Variants in ZNF622 observed in about 807,000 individuals in gnomAD.
ZNF622 encodes zinc finger protein 622.
ZNF622 carries 34 observed loss-of-function variants against 49.7 expected under a neutral mutation model. The ratio of observed to expected loss-of-function variants is 0.68; its 90% CI spans 0.52 to 0.91. The LOEUF (loss-of-function observed/expected upper bound fraction) is 0.91. Ranked by LOEUF, ZNF622 falls within the 40% of genes least tolerant of loss-of-function variation. The probability of loss-of-function intolerance (pLI) is 0.00; values close to 1 mark genes in which losing one functional copy is unlikely to be tolerated. For missense variants in ZNF622, 569 were observed against 616.4 expected (o/e 0.92, Z 0.81); for synonymous variants, 209 against 228.7 (o/e 0.91, Z 0.78).
In ZNF622 at chr5:16,465,146, T is replaced by G. The variant is rs755281913; in HGVS notation, c.520A>C (p.Ser174Arg). The G allele has an allele frequency of 7.4e-6, 12 of 1,614,044 alleles. No individual in the cohort carries two copies. The highest frequency in any genetic ancestry group is 1.0e-5 in the Non-Finnish European group (12 of 1,180,022). The change falls in exon 1 of 6, where the codon AGT (serine) becomes CGT (arginine). Residue 174 changes from serine (S) to arginine (R), a missense_variant. Ser to Arg is a moderately radical substitution (Grantham distance 110, BLOSUM62 -1). Transcript: ENST00000308683. This position sits in a 1 kb window ranked among gnomAD's most constrained non-coding sequence, Gnocchi z 6.2. ...CACTGGAGCCGGGGTGGTTTCTCAC[T>G]CGGGTCTCGGTCGTGGGTCCCACGG... ...GGRGTHDRDPSEKPPRLQWFE... is the reference protein window; with the variant it reads ...GGRGTHDRDPREKPPRLQWFE...
At chr5:16,456,375 C>A (rs1444558154) in intron 4 of ZNF622, among the ~76,000 whole-genome samples, 2 of 152,194 alleles carry the variant, frequency 1.3e-5, no homozygotes, top group African/African-American at 4.8e-5. Context: ...CCCAAAAAAA[C>A]CTTGCCAGAC....
chr5:16,456,958 A>C (rs146227660), intron 4 of ZNF622, among the ~76,000 whole-genome samples: 1,816 of 152,256 alleles, frequency 0.012, 15 homozygotes, highest in Non-Finnish European at 0.02. Flanking sequence ...GATCTCTCTA[A>C]GATCTTTCTA....
intron 4 of ZNF622, among the ~76,000 whole-genome samples, chr5:16,456,513 G>A (rs1738025788): frequency 6.6e-6 from 1 of 152,156 alleles, no homozygotes; most frequent in South Asian, 2.1e-4. Context: ...CAGCAGCAGG[G>A]GAGAGACTCT....
chr5:16,463,333 T>C lies in ZNF622; in HGVS notation c.887-63A>G. ...TTTTTGCAACCAGATTAAATCTCAC[T>C]ATTTGTCACCAAAACTCAAAAATCA... On this transcript the variant is annotated intron_variant, in intron 2 of 5. Transcript: ENST00000308683. This position sits in a 1 kb window ranked among gnomAD's most constrained non-coding sequence, Gnocchi z 4.2. The C allele has an allele frequency of 6.5e-7, 1 of 1,538,604 alleles. No individual in the cohort carries two copies.
intron 4 of ZNF622, among the ~76,000 whole-genome samples, chr5:16,457,396 C>T (rs1028964750): frequency 6.2e-4 from 95 of 152,296 alleles, no homozygotes; most frequent in African/African-American, 2.3e-3. Flanking sequence ...TGGGTACTGT[C>T]ACCAGAGAAA....
intron 3 of ZNF622, among the ~76,000 whole-genome samples, chr5:16,459,604 A>G (rs1738090700): frequency 6.6e-6 from 1 of 152,234 alleles, no homozygotes; most frequent in African/African-American, 2.4e-5. Flanking sequence ...ATGTGGCAGC[A>G]TTGTTTGTAA....
chr5:16,464,024 G>T (rs995073224), intron 1 of ZNF622, among the ~76,000 whole-genome samples: 4 of 152,168 alleles, frequency 2.6e-5, no homozygotes, highest in African/African-American at 9.7e-5. Flanking sequence ...TGAAAATATA[G>T]TTAGGAAGTC....
chr5:16,463,640 C>T lies in ZNF622; in HGVS notation c.728G>A (p.Gly243Asp), dbSNP rs1379900582. Residue 243 changes from glycine (G) to aspartate (D), a missense_variant, in exon 2 of 6, where the codon GGC becomes GAC. Coordinates refer to ENST00000308683, the MANE Select transcript of ZNF622 (RefSeq NM_033414.3). This position sits in a 1 kb window ranked among gnomAD's most constrained non-coding sequence, Gnocchi z 4.2. ...QDAEEEEAEE[G>D]PPLGAIPITD... The stretch of plus-strand genomic sequence containing the variant: ...GATAGGGATGGCACCAAGGGGTGGG[C>T]CTTCCTCAGCCTCTTCCTCCTCTGC... The T allele has an allele frequency of 6.2e-7, 1 of 1,614,204 alleles. No individual in the cohort carries two copies. The highest frequency in any genetic ancestry group is 8.5e-7 in the Non-Finnish European group (1 of 1,180,038).
intron 3 of ZNF622, 60 bp from the exon 4 acceptor site, chr5:16,458,689 T>G: frequency 7.9e-7 from 1 of 1,272,860 alleles, no homozygotes; most frequent in Non-Finnish European, 1.1e-6. Context: ...CTAAAAGACA[T>G]AAACTCATTT....
intron 5 of ZNF622, among the ~76,000 whole-genome samples, chr5:16,452,348 C>G (rs1027438140): frequency 1.3e-5 from 2 of 152,196 alleles, no homozygotes; most frequent in Non-Finnish European, 2.9e-5. Context: ...CCAGCAGACA[C>G]ATCAGAATAG....
At chr5:16,452,809 C>G (rs1039738744) in intron 5 of ZNF622, among the ~76,000 whole-genome samples, 11 of 152,140 alleles carry the variant, frequency 7.2e-5, no homozygotes, top group Non-Finnish European at 1.5e-4. Context: ...ATCACTGTGC[C>G]AGGAATATGA....
chr5:16,465,252 G>A lies in ZNF622; in HGVS notation c.414C>T (p.Ala138=). The change falls in exon 1 of 6, where the codon GCC becomes GCT. Residue 138 remains alanine (A), a synonymous_variant. Coordinates refer to ENST00000308683, the MANE Select transcript of ZNF622 (RefSeq NM_033414.3). This position sits in a 1 kb window ranked among gnomAD's most constrained non-coding sequence, Gnocchi z 6.2. ...CCTTCTTGGGAGACATGGACGGCTGGGCCTTGATGGCCTGCTGGATGGCCG... is the reference window on the plus strand; with the variant it reads ...CCTTCTTGGGAGACATGGACGGCTGAGCCTTGATGGCCTGCTGGATGGCCG... ...MNAAIQQAIK[A]QPSMSPKKAP... 6.2e-7 allele frequency: 1 copy of A among 1,614,208 alleles called. No individual in the cohort carries two copies. The highest frequency in any genetic ancestry group is 2.2e-5 in the East Asian group (1 of 44,888).
chr5:16,453,595 A>G, intron 4 of ZNF622, among the ~76,000 whole-genome samples: 1 of 114,374 alleles, frequency 8.7e-6, no homozygotes, highest in Admixed American at 9.1e-5. Context: ...ATATATATAT[A>G]TATATATGAA....
chr5:16,464,243 G>T (rs889048049), intron 1 of ZNF622, among the ~76,000 whole-genome samples: 1 of 150,216 alleles, frequency 6.7e-6, no homozygotes, highest in African/African-American at 2.4e-5. Context: ...TGGGTGATTA[G>T]GTTAGGCAAG....
At chr5:16,455,790 G>A (rs553030685) in intron 4 of ZNF622, among the ~76,000 whole-genome samples, 18 of 152,194 alleles carry the variant, frequency 1.2e-4, no homozygotes, top group Admixed American at 3.3e-4. Flanking sequence ...CTTTTAAAGC[G>A]TCTTTGAAAT....
At chr5:16,453,559 T>TTATATATATATATAAAAATAAAAATTATA (rs1737968698) in intron 4 of ZNF622, among the ~76,000 whole-genome samples, 1 of 67,154 alleles carries the variant, frequency 1.5e-5, no homozygotes, top group African/African-American at 4.3e-5. Context: ...TAAATAAAAA[T>TTATATATATATATAAAAATAAAAATTATA]TATATATATA....
At chr5:16,464,216 A>C (rs1441602710) in intron 1 of ZNF622, among the ~76,000 whole-genome samples, 1 of 149,350 alleles carries the variant, frequency 6.7e-6, no homozygotes, top group South Asian at 2.1e-4. Flanking sequence ...AATGGCATTA[A>C]GAGGTGGGGC....
In ZNF622 at chr5:16,453,080, G is replaced by A. The variant is rs144651127; in HGVS notation, c.1239C>T (p.Ala413=). 9.4e-4 allele frequency: 1,491 copies of A among 1,589,116 alleles called. 15 individuals are homozygous for A. In the African/African-American group the frequency reaches 0.018, roughly 19 times the overall value. ...RFGLSRAVAV[A]KNRKAVGRVL... is the part of the protein sequence containing the mutation. Reference sequence around the variant, plus strand: ...CTCGGCCCACGGCCTTCCGATTTTTGGCAACTGCCACAGCTCTTGACAAGC... The same window carrying A: ...CTCGGCCCACGGCCTTCCGATTTTTAGCAACTGCCACAGCTCTTGACAAGC... Residue 413 remains alanine, a synonymous_variant, in exon 5 of 6, where the codon GCC becomes GCT. Transcript: ENST00000308683.
Position 16,465,222 on chromosome 5 carries a change from G to T in ZNF622, c.444C>A (p.Pro148=), listed in dbSNP as rs1471545550. The T allele has an allele frequency of 1.2e-6, 2 of 1,614,170 alleles. No individual in the cohort carries two copies. The highest frequency in any genetic ancestry group is 8.5e-7 in the Non-Finnish European group (1 of 1,180,024). ...TCCTGGCCTCCTTTGCAGGCGCTGG[G>T]GGCGCCTTCTTGGGAGACATGGACG... is the stretch of plus-strand genomic sequence containing the variant. ...AQPSMSPKKA[P]PAPAKEARNV... The change falls in exon 1 of 6, where the codon CCC becomes CCA. Residue 148 remains proline, a synonymous_variant. Coordinates refer to ENST00000308683, the MANE Select transcript of ZNF622 (RefSeq NM_033414.3). This position sits in a 1 kb window ranked among gnomAD's most constrained non-coding sequence, Gnocchi z 6.2.
Sources: allele counts gnomAD v4.1 joint callset (sites outside exome capture counted in the v4.1 genomes callset), GRCh38; gene constraint gnomAD v4.1.1; non-coding constraint Gnocchi (gnomAD v3.1); transcripts MANE v1.5; gene names NCBI Gene and HGNC (gene_info 2026-07-23, HGNC 2026-07-21).